Variants in KCNIP1 observed in about 807,000 individuals in gnomAD.
KCNIP1 encodes the protein potassium voltage-gated channel interacting protein 1, also known as A-type potassium channel modulatory protein KCNIP1.
KCNIP1 carries 18 observed loss-of-function variants against 33.0 expected under a neutral mutation model. The observed-to-expected ratio is 0.55, with a 90% CI of 0.38 to 0.81. The LOEUF (loss-of-function observed/expected upper bound fraction) is 0.81, where lower values mean the gene tolerates loss of function less well. Ranked by LOEUF, KCNIP1 falls within the 30% of genes least tolerant of loss-of-function variation. The pLI, the probability that KCNIP1 is intolerant of heterozygous loss-of-function variation, is 0.00. For missense variants in KCNIP1, 238 were observed against 271.6 expected (o/e 0.88, Z 0.87); for synonymous variants, 93 against 98.3 (o/e 0.95, Z 0.32).
rs111346674 is a variant in KCNIP1 at position 170,686,383 on chromosome 5, G to A, written c.62-32375G>A. 7.2e-3 allele frequency among the ~76,000 whole-genome samples: 1,100 copies of A among 152,228 alleles called. 8 individuals carry two copies. The highest frequency in any genetic ancestry group is 0.025 in the African/African-American group (1,026 of 41,516). On this transcript the variant is annotated intron_variant, in intron 1 of 7. Coordinates refer to ENST00000328939, the MANE Select transcript of KCNIP1 (RefSeq NM_014592.4). ...GGGGGAGGGAGGAACAGAGGAAGAT[G>A]CGAACAAGGAGAGTCACTCAGTTCT... is the stretch of plus-strand genomic sequence containing the variant.
intron 1 of KCNIP1, among the ~76,000 whole-genome samples, chr5:170,612,217 A>G (rs567256302): frequency 6.6e-5 from 10 of 152,298 alleles, no homozygotes; most frequent in African/African-American, 2.4e-4. Context: ...AACACCCCAC[A>G]TGGAGTGGGT....
At chr5:170,576,198 C>A (rs1026368963) in intron 1 of KCNIP1, among the ~76,000 whole-genome samples, 1 of 152,198 alleles carries the variant, frequency 6.6e-6, no homozygotes, top group African/African-American at 2.4e-5. Context: ...TAAGCAGGGG[C>A]ACTCTGCATA....
chr5:170,636,040 T>C (rs1476299845), intron 1 of KCNIP1, among the ~76,000 whole-genome samples: 1 of 152,254 alleles, frequency 6.6e-6, no homozygotes, highest in African/African-American at 2.4e-5. Context: ...TGTGACATTT[T>C]GGAGACTCCC....
chr5:170,421,861 C>T (rs1755502417), intron 1 of KCNIP1: 1 of 152,144 alleles, frequency 6.6e-6, no homozygotes, highest in Non-Finnish European at 1.5e-5. Flanking sequence ...TAATTAAGAA[C>T]ACTTGATTAG....
At chr5:170,441,895 T>C (rs1400728013) in intron 1 of KCNIP1, among the ~76,000 whole-genome samples, 2 of 132,780 alleles carry the variant, frequency 1.5e-5, no homozygotes, top group East Asian at 4.4e-4. Flanking sequence ...GAGCTTGCAG[T>C]GAGCCAAGAT....
chr5:170,504,216 G>A lies in KCNIP1; in HGVS notation c.-357G>A. 1 of 1,053,374 alleles carries A rather than the reference G, an allele frequency of 9.5e-7. No homozygotes were observed. The allele number at this position is 1,053,374 out of a possible 1,614,324, so 65.3% of individuals were successfully genotyped here. ...CGGCTCCCGCACCGCACGCGGCGCT[G>A]GCTCGGCAGCCTCGGCCGGGCGGCC... On this transcript the variant is annotated 5_prime_UTR_variant, in exon 1 of 8. Transcript: ENST00000328939. The surrounding 1 kb of genome is among the most constrained non-coding windows in gnomAD (Gnocchi z 6.0).
At chr5:170,569,294 AC>A (rs1006979854) in intron 1 of KCNIP1, among the ~76,000 whole-genome samples, 3 of 151,346 alleles carry the variant, frequency 2.0e-5, no homozygotes, top group Admixed American at 2.0e-4. Context: ...CTGCACCCCC[AC>A]CCCCCGCTGC....
intron 1 of KCNIP1, among the ~76,000 whole-genome samples, chr5:170,490,226 G>T (rs2113198162): frequency 6.6e-6 from 1 of 152,308 alleles, no homozygotes; most frequent in Middle Eastern, 3.4e-3. Context: ...TGTATTCATG[G>T]TGAACCTACT....
chr5:170,467,398 A>G (rs1756630573), intron 1 of KCNIP1, among the ~76,000 whole-genome samples: 1 of 152,168 alleles, frequency 6.6e-6, no homozygotes, highest in Non-Finnish European at 1.5e-5. Context: ...TTTTGCACCA[A>G]CCCAATAAGA....
chr5:170,416,358 T>C (rs548324964), intron 1 of KCNIP1, among the ~76,000 whole-genome samples: 1 of 151,976 alleles, frequency 6.6e-6, no homozygotes, highest in Non-Finnish European at 1.5e-5. Flanking sequence ...AACCACAAAT[T>C]CCAGGCTCAG....
intron 1 of KCNIP1, among the ~76,000 whole-genome samples, chr5:170,633,851 T>C (rs1185587467): frequency 6.6e-6 from 1 of 151,398 alleles, no homozygotes; most frequent in Non-Finnish European, 1.5e-5. Flanking sequence ...TTGGAGAGCT[T>C]GGGGCAGAAA....
At chr5:170,665,847 T>C (rs1264169547) in intron 1 of KCNIP1, among the ~76,000 whole-genome samples, 1 of 152,192 alleles carries the variant, frequency 6.6e-6, no homozygotes, top group Non-Finnish European at 1.5e-5. Context: ...ATCTGAAGTT[T>C]TTCTGATGAT....
At chr5:170,402,407 T>C (rs1409445459) in intron 1 of KCNIP1, among the ~76,000 whole-genome samples, 4 of 152,082 alleles carry the variant, frequency 2.6e-5, no homozygotes, top group Non-Finnish European at 1.5e-5. Flanking sequence ...TATTATACAA[T>C]AACAGGGCAT....
chr5:170,688,126 T>G (rs1169714595), intron 1 of KCNIP1, among the ~76,000 whole-genome samples: 1 of 152,222 alleles, frequency 6.6e-6, no homozygotes, highest in Non-Finnish European at 1.5e-5. Context: ...GGCTACCAGG[T>G]GAGCACCATT....
intron 1 of KCNIP1, among the ~76,000 whole-genome samples, chr5:170,431,029 G>A (rs73800670): frequency 0.08 from 12,126 of 152,280 alleles, 569 homozygotes; most frequent in Middle Eastern, 0.14. Context: ...CCCTCCTGCA[G>A]GACAGATCAT....
intron 5 of KCNIP1, among the ~76,000 whole-genome samples, chr5:170,727,052 A>T (rs1441952282): frequency 1.3e-5 from 2 of 152,266 alleles, no homozygotes. Context: ...TAAATGACCC[A>T]AATGTCTGTC....
At chr5:170,600,843 G>A (rs1461448796) in intron 1 of KCNIP1, among the ~76,000 whole-genome samples, 3 of 152,296 alleles carry the variant, frequency 2.0e-5, no homozygotes, top group Non-Finnish European at 2.9e-5. Flanking sequence ...CTCCACGGTC[G>A]CTGTGAGGTG....
At chr5:170,640,729 T>C (rs1760509721) in intron 1 of KCNIP1, among the ~76,000 whole-genome samples, 1 of 152,092 alleles carries the variant, frequency 6.6e-6, no homozygotes, top group Non-Finnish European at 1.5e-5. Context: ...CAGGAAGAAG[T>C]GTCAGTATTT....
intron 1 of KCNIP1, among the ~76,000 whole-genome samples, chr5:170,521,825 T>C (rs940508090): frequency 1.3e-5 from 2 of 152,238 alleles, no homozygotes; most frequent in Non-Finnish European, 2.9e-5. Context: ...AATATTGCAG[T>C]AGGCTGAAAC....
Sources: allele counts gnomAD v4.1 joint callset (sites outside exome capture counted in the v4.1 genomes callset), GRCh38; gene constraint gnomAD v4.1.1; non-coding constraint Gnocchi (gnomAD v3.1); transcripts MANE v1.5; gene names NCBI Gene and HGNC (gene_info 2026-07-23, HGNC 2026-07-21).